The following CSMD1 variants were observed in gnomAD, a reference collection of about 807,000 sequenced individuals.
CSMD1 encodes the protein CUB and sushi domain-containing protein 1.
CSMD1 carries 213 observed loss-of-function variants against 417.5 expected under a neutral mutation model. The observed-to-expected ratio is 0.51, with a 90% confidence interval of 0.46 to 0.57. The LOEUF (loss-of-function observed/expected upper bound fraction) is 0.57, where lower values mean the gene tolerates loss of function less well. Among genes scored for constraint, CSMD1 ranks in the 20% least tolerant of loss-of-function variants. The probability of loss-of-function intolerance (pLI) is 0.00; values close to 1 mark genes in which losing one functional copy is unlikely to be tolerated. For synonymous variants in CSMD1, 2,862 were observed against 1,736.8 expected (o/e 1.65, Z -16.11); for missense variants, 6,923 against 4,529.7 (o/e 1.53, Z -15.17).
At chr8:4,602,654 G>C (rs925538010) in intron 2 of CSMD1, among the ~76,000 whole-genome samples, 3 of 152,196 alleles carry the variant, frequency 2.0e-5, no homozygotes, top group African/African-American at 7.2e-5. Context: ...GTTAGGGCAA[G>C]TGGCAAATAC....
At chr8:4,450,407 C>A (rs748048241) in intron 2 of CSMD1, among the ~76,000 whole-genome samples, 4 of 152,128 alleles carry the variant, frequency 2.6e-5, no homozygotes, top group Non-Finnish European at 4.4e-5. Context: ...GCAGGCGGAT[C>A]AGCAGGTCAA....
chr8:4,604,228 T>G (rs922192188), intron 2 of CSMD1, among the ~76,000 whole-genome samples: 1 of 152,034 alleles, frequency 6.6e-6, no homozygotes, highest in Non-Finnish European at 1.5e-5. Context: ...CCTTTTAACT[T>G]TGATTGACTA....
At chr8:3,740,487 G>A (rs189803462) in intron 6 of CSMD1, among the ~76,000 whole-genome samples, 827 of 152,216 alleles carry the variant, frequency 5.4e-3, no homozygotes, top group Middle Eastern at 0.01. Flanking sequence ...ATCCTTCTGC[G>A]GTAAAATACT....
At chr8:3,415,003 G>T (rs1384641720) in intron 12 of CSMD1, among the ~76,000 whole-genome samples, 1 of 152,172 alleles carries the variant, frequency 6.6e-6, no homozygotes, top group Non-Finnish European at 1.5e-5. Flanking sequence ...CTATCTTGGT[G>T]ATTGTTAAAT....
intron 4 of CSMD1, among the ~76,000 whole-genome samples, chr8:4,015,073 G>C (rs551657616): frequency 2.4e-4 from 37 of 152,162 alleles, no homozygotes; most frequent in African/African-American, 8.4e-4. Context: ...ATTTACACTG[G>C]AATTGTTTAT....
At chr8:4,326,580 A>G (rs553532694) in intron 3 of CSMD1, among the ~76,000 whole-genome samples, 1 of 152,230 alleles carries the variant, frequency 6.6e-6, no homozygotes, top group Non-Finnish European at 1.5e-5. Context: ...AGCAATTCCA[A>G]ACTTCTTTTT....
intron 5 of CSMD1, among the ~76,000 whole-genome samples, chr8:3,879,596 T>C (rs1295767309): frequency 1.3e-5 from 2 of 152,178 alleles, no homozygotes; most frequent in African/African-American, 4.8e-5. Context: ...GCTATCAGAA[T>C]GAGATTTGCT....
At chr8:4,669,052 C>T (rs1043803842) in intron 1 of CSMD1, among the ~76,000 whole-genome samples, 9 of 152,150 alleles carry the variant, frequency 5.9e-5, no homozygotes, top group African/African-American at 2.2e-4. Context: ...TTATATTTCA[C>T]AGAATTTACA....
chr8:3,502,595 G>A (rs543097445), intron 10 of CSMD1, among the ~76,000 whole-genome samples: 4 of 152,244 alleles, frequency 2.6e-5, no homozygotes, highest in South Asian at 2.1e-4. Context: ...TTTACCAAGT[G>A]AAACAAGCCA....
chr8:4,059,185 A>C (rs545823850), intron 3 of CSMD1, among the ~76,000 whole-genome samples: 23 of 152,328 alleles, frequency 1.5e-4, no homozygotes, highest in Middle Eastern at 3.4e-3. Flanking sequence ...CCTGCTGCTG[A>C]ATGACTACTG....
chr8:3,459,532 T>C (rs576732070), intron 12 of CSMD1, among the ~76,000 whole-genome samples: 2 of 152,058 alleles, frequency 1.3e-5, no homozygotes. Flanking sequence ...GCAGAGAACA[T>C]GATAAATGCA....
intron 23 of CSMD1, among the ~76,000 whole-genome samples, chr8:3,313,307 G>T (rs959999695): frequency 3.3e-5 from 5 of 152,226 alleles, no homozygotes; most frequent in Admixed American, 6.5e-5. Context: ...CACAGCAAAA[G>T]AAACCACCAT....
At chr8:3,238,766 C>T (rs140504203) in intron 26 of CSMD1, among the ~76,000 whole-genome samples, 4 of 152,070 alleles carry the variant, frequency 2.6e-5, no homozygotes, top group Middle Eastern at 3.2e-3. Flanking sequence ...GAGTGCCTGA[C>T]GAGGTTCAGC....
chr8:4,557,950 G>A (rs921206170), intron 2 of CSMD1, among the ~76,000 whole-genome samples: 1 of 152,138 alleles, frequency 6.6e-6, no homozygotes, highest in African/African-American at 2.4e-5. Context: ...TTTTCAGGAA[G>A]CTGATAAATA....
chr8:2,949,256 C>G (rs1236979652), intron 68 of CSMD1, 43 bp downstream of exon 68: 2 of 1,129,422 alleles, frequency 1.8e-6, no homozygotes, highest in Non-Finnish European at 2.6e-6. Flanking sequence ...ATTGGAAAGC[C>G]AAACTGATAT....
intron 5 of CSMD1, among the ~76,000 whole-genome samples, chr8:3,847,269 G>C (rs573016780): frequency 1.3e-5 from 2 of 152,256 alleles, no homozygotes; most frequent in African/African-American, 4.8e-5. Flanking sequence ...CTAATCAGTT[G>C]ATTTTTAAGT....
intron 11 of CSMD1, among the ~76,000 whole-genome samples, chr8:3,470,978 G>C (rs1188444964): frequency 6.6e-6 from 1 of 151,714 alleles, no homozygotes; most frequent in Non-Finnish European, 1.5e-5. Flanking sequence ...AAGCTGCTTT[G>C]AATATGTGTG....
intron 22 of CSMD1, among the ~76,000 whole-genome samples, 188 bp from the exon 23 acceptor site, chr8:3,343,638 C>G (rs1024530628): frequency 1.3e-5 from 2 of 152,066 alleles, no homozygotes; most frequent in Non-Finnish European, 2.9e-5. Flanking sequence ...TTATCTTTAC[C>G]ATTAACACTG....
intron 3 of CSMD1, among the ~76,000 whole-genome samples, chr8:4,244,936 T>C (rs2128825305): frequency 6.6e-6 from 1 of 152,286 alleles, no homozygotes; most frequent in East Asian, 1.9e-4. Context: ...GTCATCACCA[T>C]TGCTTGAAAA....
Sources: allele counts gnomAD v4.1 joint callset (sites outside exome capture counted in the v4.1 genomes callset), GRCh38; gene constraint gnomAD v4.1.1; transcripts MANE v1.5; gene names NCBI Gene and HGNC (gene_info 2026-07-23, HGNC 2026-07-21).